ZNF45: variants seen among roughly 807,000 people sequenced by gnomAD.
ZNF45 encodes the protein BRC1744.
A neutral mutation model predicts 12.0 loss-of-function variants in ZNF45; 4 were observed. The observed-to-expected ratio is 0.33, with a 90% CI of 0.16 to 0.76. The LOEUF (loss-of-function observed/expected upper bound fraction) is 0.76, where lower values mean the gene tolerates loss of function less well. Ranked by LOEUF, ZNF45 falls within the 30% of genes least tolerant of loss-of-function variation. The pLI, the probability that ZNF45 is intolerant of heterozygous loss-of-function variation, is 0.60. For synonymous variants in ZNF45, 272 were observed against 279.6 expected (o/e 0.97, Z 0.27); for missense variants, 700 against 813.0 (o/e 0.86, Z 1.69).
At chr19:43,917,402 G>T (rs1401340365) in intron 9 of ZNF45, among the ~76,000 whole-genome samples, 5 of 152,082 alleles carry the variant, frequency 3.3e-5, no homozygotes, top group Admixed American at 3.3e-4. Context: ...TGGAAACTTG[G>T]GAAACAGATA....
At chr19:43,919,479 G>A in intron 8 of ZNF45, 94 bp downstream of exon 8, 1 of 1,440,646 alleles carries the variant, frequency 6.9e-7, no homozygotes. Flanking sequence ...TTAGAAAACT[G>A]AAAACCAGTT....
chr19:43,923,571 G>A (rs1206042449), intron 6 of ZNF45, among the ~76,000 whole-genome samples: 1 of 152,030 alleles, frequency 6.6e-6, no homozygotes, highest in Non-Finnish European at 1.5e-5. Context: ...TATCTGCTGT[G>A]GATAAGGGGG....
chr19:43,931,373 A>C (rs988198858), intron 3 of ZNF45: 13 of 152,144 alleles, frequency 8.5e-5, no homozygotes, highest in African/African-American at 2.9e-4. Context: ...TCTCTATTAA[A>C]AATACAAAAA....
Position 43,924,244 on chromosome 19 carries a change from A to G in ZNF45, c.-39T>C, listed in dbSNP as rs1973485810. 1 of 152,242 alleles carries G rather than the reference A, an allele frequency of 6.6e-6. No individual in the cohort carries two copies. Among genetic ancestry groups the G allele is most frequent in the South Asian group, 2.1e-4 (1 of 4,836 alleles). The allele number at this position is 152,242 out of a possible 1,614,324, so 9.4% of individuals were successfully genotyped here. On this transcript the variant is annotated 5_prime_UTR_variant, in exon 6 of 10. Coordinates refer to ENST00000269973, the MANE Select transcript of ZNF45 (RefSeq NM_003425.4). The stretch of plus-strand genomic sequence containing the variant: ...TAAGGTACTTCACACATACCTGTGA[A>G]GAAGCTACTGTTGTATCAGTTGTGT...
In ZNF45 at chr19:43,913,756, C is replaced by T; in HGVS notation, c.1680G>A (p.Glu560=). ...HTGEKPYQCE[E]CGKGFCRASN... The stretch of plus-strand genomic sequence containing the variant: ...AGGCCCGACAGAAGCCCTTCCCACA[C>T]TCCTCACATTGATAGGGTTTCTCTC... The change falls in exon 10 of 10, where the codon GAG becomes GAA. Residue 560 remains glutamate, a synonymous_variant. Transcript: ENST00000269973. 1.2e-6 allele frequency: 2 copies of T among 1,613,928 alleles called. No homozygotes were observed. The highest frequency in any genetic ancestry group is 2.2e-5 in the East Asian group (1 of 44,838).
In ZNF45 at chr19:43,918,890, G is replaced by C. The variant is rs1243119509; in HGVS notation, c.215C>G (p.Thr72Ser). Residue 72 changes from threonine to serine, a missense_variant, in exon 9 of 10, where the codon ACC becomes AGC. Thr to Ser is a moderately conservative substitution (Grantham distance 58). Transcript: ENST00000269973. ...CTCACCTGAGGAGTTATCTCTCTGG[G>C]TTGCCATCTTCATCATCCACAGCTT... ...EEKLWMMKMATQRDNSSGAKN... is the reference protein window; with the variant it reads ...EEKLWMMKMASQRDNSSGAKN... The C allele has an allele frequency of 6.2e-7, 1 of 1,614,052 alleles. No individual in the cohort carries two copies. The highest frequency in any genetic ancestry group is 8.5e-7 in the Non-Finnish European group (1 of 1,179,940).
chr19:43,919,832 C>T (rs1972985289), intron 7 of ZNF45, 133 bp from the exon 8 acceptor site: 9 of 869,832 alleles, frequency 1.0e-5, no homozygotes, highest in Non-Finnish European at 1.6e-5. Context: ...AACTTTATTA[C>T]AGTTAAACAC....
rs541954501 is a variant in ZNF45, at chr19:43,915,276, G to A, written c.236-76C>T. ...TCCAAGATGTCAAGTTTATAAACTC[G>A]GGCCCATAGCCTAAGGCTTCATTGA... On this transcript the variant is annotated intron_variant, in intron 9 of 9. Transcript: ENST00000269973. 42 of 1,400,678 alleles carry A rather than the reference G, an allele frequency of 3.0e-5. No homozygotes were observed. In the South Asian group the frequency reaches 4.7e-4, roughly 16 times the overall value. 86.8% of individuals were successfully genotyped at this position (1,400,678 alleles called of 1,614,324 possible).
chr19:43,913,916 T>C lies in ZNF45; in HGVS notation c.1520A>G (p.Lys507Arg). ...AAGGCTGGAGAACTGACTGAAGGCC[T>C]TACCACACCTCTCGCATTTATAGGG... Reference protein sequence around the residue: ...EKPYKCERCGKAFSQFSSLQV... With the variant: ...EKPYKCERCGRAFSQFSSLQV... Residue 507 changes from lysine (K) to arginine (R), a missense_variant, in exon 10 of 10, where the codon AAG (lysine) becomes AGG (arginine). Lys to Arg is a conservative substitution (Grantham distance 26, BLOSUM62 2). Transcript: ENST00000269973. The C allele has an allele frequency of 6.2e-7, 1 of 1,602,922 alleles. No individual in the cohort carries two copies. Among genetic ancestry groups the C allele is most frequent in the Non-Finnish European group, 8.5e-7 (1 of 1,171,934 alleles).
chr19:43,913,708 T>C lies in ZNF45; in HGVS notation c.1728A>G (p.Gly576=). The change falls in exon 10 of 10, where the codon GGA becomes GGG. Residue 576 remains glycine, a synonymous_variant. Coordinates refer to ENST00000269973, the MANE Select transcript of ZNF45 (RefSeq NM_003425.4). ...GGTATGGTTTTTCTCCTGTGTGGAC[T>C]CCACGATGTGCCAGAAAATTGGAGG... The part of the protein sequence containing the change: ...CRASNFLAHR[G]VHTGEKPYRC... 6.2e-7 allele frequency: 1 copy of C among 1,614,056 alleles called. No homozygotes were observed. Among genetic ancestry groups the C allele is most frequent in the Non-Finnish European group, 8.5e-7 (1 of 1,180,012 alleles).
chr19:43,919,481 A>C, intron 8 of ZNF45, 92 bp downstream of exon 8: 6 of 1,446,192 alleles, frequency 4.1e-6, no homozygotes, highest in Middle Eastern at 2.1e-4. Flanking sequence ...AGAAAACTGA[A>C]AACCAGTTCA....
At chr19:43,922,344 T>C (rs1973263353) in intron 6 of ZNF45, 127 bp from the exon 7 acceptor site, 1 of 597,680 alleles carries the variant, frequency 1.7e-6, no homozygotes, top group Admixed American at 3.0e-5. Flanking sequence ...ACAGTGTTCC[T>C]TCCTCGGGCT....
intron 8 of ZNF45, 98 bp from the exon 9 acceptor site, chr19:43,919,060 C>T (rs1972913865): frequency 1.0e-6 from 1 of 978,600 alleles, no homozygotes. Flanking sequence ...GGACATCAAA[C>T]TTAGTGTTTT....
intron 3 of ZNF45, among the ~76,000 whole-genome samples, chr19:43,928,777 G>A (rs1973893247): frequency 6.6e-6 from 1 of 152,170 alleles, no homozygotes; most frequent in South Asian, 2.1e-4. Flanking sequence ...TAACAAACAG[G>A]AATGAAGGTT....
In ZNF45 at chr19:43,914,813, T is replaced by C; in HGVS notation, c.623A>G (p.Gln208Arg). 4.3e-6 allele frequency: 7 copies of C among 1,613,064 alleles called. No individual in the cohort carries two copies. Among genetic ancestry groups the C allele is most frequent in the South Asian group, 1.1e-5 (1 of 91,072 alleles). Residue 208 changes from glutamine to arginine, a missense_variant, in exon 10 of 10, where the codon CAA becomes CGA. Physicochemically the swap from Gln to Arg is conservative, Grantham distance 43 (BLOSUM62 1). Coordinates refer to ENST00000269973, the MANE Select transcript of ZNF45 (RefSeq NM_003425.4). Reference sequence around the variant, plus strand: ...TCTACTGTGGACTCTCTGATGGGCTTGAAGACTTGAAAACCGACGGAAGGC... The same window carrying C: ...TCTACTGTGGACTCTCTGATGGGCTCGAAGACTTGAAAACCGACGGAAGGC... ...DNAFRRFSSL[Q>R]AHQRVHSRAK...
intron 3 of ZNF45, among the ~76,000 whole-genome samples, chr19:43,929,242 C>T (rs1248810069): frequency 1.3e-5 from 2 of 152,232 alleles, no homozygotes; most frequent in African/African-American, 4.8e-5. Flanking sequence ...TGCCTTGATA[C>T]CTTTGAGACT....
At chr19:43,918,667 G>A (rs1460746449) in intron 9 of ZNF45, among the ~76,000 whole-genome samples, 1 of 152,100 alleles carries the variant, frequency 6.6e-6, no homozygotes, top group Non-Finnish European at 1.5e-5. Flanking sequence ...TTTTGTTTTA[G>A]CATCCTGAGC....
At chr19:43,919,496 C>T in intron 8 of ZNF45, 77 bp downstream of exon 8, 1 of 1,506,238 alleles carries the variant, frequency 6.6e-7, no homozygotes, top group Non-Finnish European at 8.9e-7. Flanking sequence ...AGTTCAAGAG[C>T]TCCAAAGCCC....
At position 43,925,392 on chromosome 19, in the gene ZNF45, C is replaced by T. The variant is rs1397221100; in HGVS notation, c.-333G>A. The T allele has an allele frequency of 6.6e-6, 1 of 152,198 alleles. No individual in the cohort carries two copies. Among genetic ancestry groups the T allele is most frequent in the Non-Finnish European group, 1.5e-5 (1 of 68,050 alleles). The allele number at this position is 152,198 out of a possible 1,614,324, so 9.4% of individuals were successfully genotyped here. Reference sequence around the variant, plus strand: ...GCTGGATTCCAGATTCCACTTGACCCTTCAGCAGAGAGCCTCTGCACAGTG... The same window carrying T: ...GCTGGATTCCAGATTCCACTTGACCTTTCAGCAGAGAGCCTCTGCACAGTG... On this transcript the variant is annotated 5_prime_UTR_variant, in exon 4 of 10. Transcript: ENST00000269973.
Sources: allele counts gnomAD v4.1 joint callset (sites outside exome capture counted in the v4.1 genomes callset), GRCh38; gene constraint gnomAD v4.1.1; transcripts MANE v1.5; gene names NCBI Gene and HGNC (gene_info 2026-07-23, HGNC 2026-07-21).